The following THTPA variants were observed in gnomAD, a reference collection of about 807,000 sequenced individuals.
THTPA encodes the protein thiamine triphosphatase.
A neutral mutation model predicts 16.5 loss-of-function variants in THTPA; 16 were observed. The ratio of observed to expected loss-of-function variants is 0.97; its 90% CI spans 0.66 to 1.47. The LOEUF (loss-of-function observed/expected upper bound fraction) is 1.47. THTPA is among the 40% of genes most tolerant of loss of function. The probability of loss-of-function intolerance (pLI) is 0.00; values close to 1 mark genes in which losing one functional copy is unlikely to be tolerated. For synonymous variants in THTPA, 110 were observed against 115.5 expected, an observed-to-expected ratio of 0.95 and a Z score of 0.30; for missense variants, 281 against 280.9, an observed-to-expected ratio of 1.00 and a Z score of 0.00.
chr14:23,544,690 C>T, the THTPA span, among the ~76,000 whole-genome samples: 1 of 152,198 alleles, frequency 6.6e-6, no homozygotes, highest in Non-Finnish European at 1.5e-5. Flanking sequence ...TGGCCCAGCC[C>T]TAATGAGTGT....
the THTPA span, chr14:23,526,037 C>A: frequency 6.5e-7 from 1 of 1,536,358 alleles, no homozygotes; most frequent in Non-Finnish European, 8.7e-7. Context: ...GCCCACCTCC[C>A]CCTCTGTCTC....
At chr14:23,551,783 C>G (rs561288518), upstream of THTPA, 1 of 152,684 alleles carries the variant, frequency 6.5e-6, no homozygotes, top group East Asian at 1.9e-4. The surrounding 1 kb of genome is among the most constrained non-coding windows in gnomAD (Gnocchi z 5.3). Flanking sequence ...ACCCAGGCGC[C>G]CGGGGCTGCC....
chr14:23,524,782 C>T, the THTPA span: 11 of 1,536,558 alleles, frequency 7.2e-6, no homozygotes, highest in African/African-American at 9.6e-5. The surrounding 1 kb of genome is among the most constrained non-coding windows in gnomAD (Gnocchi z 5.6). Flanking sequence ...CCTGTTCCTC[C>T]TCTACTTCTT....
At chr14:23,530,101 G>A in the THTPA span, 5 of 1,533,754 alleles carry the variant, frequency 3.3e-6, no homozygotes, top group South Asian at 4.8e-5. Context: ...GGACTGGGGG[G>A]AAGGGAGGGA....
the THTPA span, chr14:23,526,571 G>A: frequency 6.5e-7 from 1 of 1,535,890 alleles, no homozygotes; most frequent in Non-Finnish European, 8.7e-7. Flanking sequence ...TGGGGCTGGA[G>A]AAGGGGGTTG....
the THTPA span, chr14:23,522,723 T>C: frequency 6.5e-7 from 1 of 1,536,574 alleles, no homozygotes. Context: ...GAGGAGCTGG[T>C]GGGGCCTGCA....
the THTPA span, among the ~76,000 whole-genome samples, chr14:23,541,847 A>G: frequency 6.6e-6 from 1 of 152,132 alleles, no homozygotes; most frequent in South Asian, 2.1e-4. Context: ...CTTACCTTCT[A>G]TATTTAAAAA....
the THTPA span, chr14:23,525,314 G>A: frequency 6.5e-7 from 1 of 1,536,094 alleles, no homozygotes; most frequent in Non-Finnish European, 8.7e-7. This position sits in a 1 kb window ranked among gnomAD's most constrained non-coding sequence, Gnocchi z 5.9. Context: ...GGGAACAGGT[G>A]AATCCAGAGA....
the THTPA span, among the ~76,000 whole-genome samples, chr14:23,536,318 C>T: frequency 2.0e-5 from 3 of 152,196 alleles, no homozygotes; most frequent in Non-Finnish European, 2.9e-5. Flanking sequence ...CTAGGAAAGA[C>T]CCTCAGATTT....
the THTPA span, chr14:23,531,380 C>T: frequency 5.3e-6 from 7 of 1,331,652 alleles, no homozygotes; most frequent in Non-Finnish European, 6.7e-6. Context: ...CCTACAGGCC[C>T]TCTTCGCCTT....
the THTPA span, chr14:23,523,752 C>T: frequency 6.5e-7 from 1 of 1,536,106 alleles, no homozygotes; most frequent in African/African-American, 1.4e-5. The surrounding 1 kb of genome is among the most constrained non-coding windows in gnomAD (Gnocchi z 4.1). Flanking sequence ...CGCCGCTGCC[C>T]CATTCCATCT....
At chr14:23,530,593 G>A in the THTPA span, 16 of 392,838 alleles carry the variant, frequency 4.1e-5, no homozygotes, top group Non-Finnish European at 6.3e-5. Context: ...GCAGTGAGCA[G>A]GAAGTGGCAG....
the THTPA span, chr14:23,527,902 T>A: frequency 1.1e-4 from 13 of 114,814 alleles, no homozygotes; most frequent in Non-Finnish European, 1.9e-4. Flanking sequence ...CCCCCACTCC[T>A]TTTTTTTTTT....
At chr14:23,549,528 T>TA in the THTPA span, among the ~76,000 whole-genome samples, 2 of 152,006 alleles carry the variant, frequency 1.3e-5, no homozygotes, top group Non-Finnish European at 2.9e-5. Flanking sequence ...ATTACACTAA[T>TA]AAACACTGCC....
At position 23,559,443 on chromosome 14, in the gene THTPA, C is replaced by T; in HGVS notation, c.*603C>T. ...GGGTTAGAAAGAACCAACAGCTGCC[C>T]CCTCCCCGCCCCCGTGTTGAGACAG... On this transcript the variant is annotated 3_prime_UTR_variant, in exon 2 of 2. Transcript: ENST00000288014. 1 of 367,286 alleles carries T rather than the reference C, an allele frequency of 2.7e-6. No individual in the cohort carries two copies. The highest frequency in any genetic ancestry group is 5.2e-6 in the Non-Finnish European group (1 of 193,824). 22.8% of individuals were successfully genotyped at this position (367,286 alleles called of 1,614,324 possible).
the THTPA span, chr14:23,532,802 A>G: frequency 1.3e-6 from 2 of 1,536,472 alleles, no homozygotes; most frequent in Non-Finnish European, 1.7e-6. Context: ...CTTGAGGTGG[A>G]GTTGGAAGTT....
At chr14:23,529,423 G>A in the THTPA span, 1 of 391,744 alleles carries the variant, frequency 2.6e-6, no homozygotes, top group Non-Finnish European at 4.7e-6. Flanking sequence ...CTTCCAGCAT[G>A]TACCCCCACT....
chr14:23,515,927 A>G, the THTPA span, among the ~76,000 whole-genome samples: 1 of 152,220 alleles, frequency 6.6e-6, no homozygotes, highest in Non-Finnish European at 1.5e-5. Context: ...CAACGTGAGC[A>G]GAAGACCATG....
At position 23,557,138 on chromosome 14, in the gene THTPA, C is replaced by G. The variant is rs1882478246; in HGVS notation, c.381C>G (p.Ala127=). The G allele has an allele frequency of 6.2e-7, 1 of 1,614,164 alleles. No individual in the cohort carries two copies. The highest frequency in any genetic ancestry group is 2.2e-5 in the East Asian group (1 of 44,884). The part of the protein sequence containing the change: ...EVASFVTKRS[A]WKLVLLGADE... Reference sequence around the variant, plus strand: ...CTAGTTTTGTGACTAAGCGGAGTGCCTGGAAGCTGGTGCTCTTGGGAGCTG... The same window carrying G: ...CTAGTTTTGTGACTAAGCGGAGTGCGTGGAAGCTGGTGCTCTTGGGAGCTG... The change falls in exon 1 of 2, where the codon GCC becomes GCG. Residue 127 remains alanine, a synonymous_variant. Coordinates refer to ENST00000288014, the MANE Select transcript of THTPA (RefSeq NM_024328.6).
Sources: gnomAD v4.1 joint callset for allele counts (sites outside exome capture counted in the v4.1 genomes callset) on GRCh38, gnomAD v4.1.1 for gene constraint, Gnocchi (gnomAD v3.1) non-coding constraint, MANE v1.5 for transcripts, NCBI Gene and HGNC (gene_info 2026-07-23, HGNC 2026-07-21) for gene names.